Variants in PPP2R2C observed in about 807,000 individuals in gnomAD.
The protein encoded by PPP2R2C is protein phosphatase 2 regulatory subunit Bgamma, also known as protein phosphatase 2, regulatory subunit B, gamma.
PPP2R2C carries 10 observed loss-of-function variants against 45.3 expected under a neutral mutation model. The ratio of observed to expected loss-of-function variants is 0.22; its 90% CI spans 0.14 to 0.37. PPP2R2C has a LOEUF of 0.37. Ranked by LOEUF, PPP2R2C falls within the 10% of genes least tolerant of loss-of-function variation. The pLI is 1.00. For missense variants in PPP2R2C, 308 were observed against 619.7 expected (o/e 0.50, Z 5.34); for synonymous variants, 257 against 245.4 (o/e 1.05, Z -0.44).
At chr4:6,352,762 C>T (rs1177278342) in intron 5 of PPP2R2C, among the ~76,000 whole-genome samples, 1 of 152,188 alleles carries the variant, frequency 6.6e-6, no homozygotes, top group African/African-American at 2.4e-5. Flanking sequence ...TAATGGCCCC[C>T]ACAAATACAT....
intron 1 of PPP2R2C, among the ~76,000 whole-genome samples, chr4:6,399,982 G>T (rs1560516502): frequency 6.6e-6 from 1 of 152,256 alleles, no homozygotes; most frequent in Non-Finnish European, 1.5e-5. Flanking sequence ...GTTGGGTTCA[G>T]TTAGAGCTTT....
intron 2 of PPP2R2C, among the ~76,000 whole-genome samples, chr4:6,518,285 G>C (rs1723889650): frequency 6.6e-6 from 1 of 151,854 alleles, no homozygotes; most frequent in Non-Finnish European, 1.5e-5. Context: ...GTAAACACAA[G>C]AAAATAATAA....
chr4:6,532,264 G>A (rs746416850), intron 2 of PPP2R2C, among the ~76,000 whole-genome samples: 3 of 152,254 alleles, frequency 2.0e-5, no homozygotes, highest in Non-Finnish European at 4.4e-5. Context: ...AGAAGGGGCC[G>A]TGAAGGCTCA....
intron 5 of PPP2R2C, among the ~76,000 whole-genome samples, chr4:6,366,216 G>A (rs1577112638): frequency 6.6e-6 from 1 of 152,198 alleles, no homozygotes; most frequent in African/African-American, 2.4e-5. Flanking sequence ...CTTATAAAAG[G>A]GAATTTTCTG....
intron 1 of PPP2R2C, among the ~76,000 whole-genome samples, chr4:6,405,628 T>C (rs569907945): frequency 6.6e-6 from 1 of 152,118 alleles, no homozygotes; most frequent in Admixed American, 6.6e-5. Context: ...GGGGAGTGAT[T>C]AGATGGAGGG....
intron 2 of PPP2R2C, among the ~76,000 whole-genome samples, chr4:6,485,999 C>T (rs13117055): frequency 0.58 from 88,054 of 151,624 alleles, 26,117 homozygotes; most frequent in Non-Finnish European, 0.64. Context: ...TTAGGAACTT[C>T]CTTCTATTCC....
At chr4:6,562,175 AAT>A (rs1299527710) in intron 1 of PPP2R2C, among the ~76,000 whole-genome samples, 1 of 152,118 alleles carries the variant, frequency 6.6e-6, no homozygotes, top group East Asian at 1.9e-4. Context: ...TGCGGGGGAC[AAT>A]GAGACTGAGG....
intron 1 of PPP2R2C, among the ~76,000 whole-genome samples, chr4:6,557,460 G>C (rs1725440368): frequency 6.6e-6 from 1 of 152,218 alleles, no homozygotes; most frequent in Non-Finnish European, 1.5e-5. Context: ...TCCCTGGGTG[G>C]GACGTATTTA....
At chr4:6,483,007 C>A (rs950060957) in intron 2 of PPP2R2C, among the ~76,000 whole-genome samples, 1 of 151,874 alleles carries the variant, frequency 6.6e-6, no homozygotes, top group South Asian at 2.1e-4. Flanking sequence ...TGACTTTAGC[C>A]TTTAATCTAT....
At chr4:6,518,924 A>T (rs1723919275) in intron 2 of PPP2R2C, among the ~76,000 whole-genome samples, 1 of 15,370 alleles carries the variant, frequency 6.5e-5, no homozygotes, top group African/African-American at 1.3e-4. Context: ...CTCTGTCTTA[A>T]AAAAAAAAAA....
At chr4:6,535,062 A>G (rs376390538) in intron 2 of PPP2R2C, among the ~76,000 whole-genome samples, 1 of 152,152 alleles carries the variant, frequency 6.6e-6, no homozygotes, top group Non-Finnish European at 1.5e-5. Context: ...CAGGGGCGGC[A>G]ATGGGGGCTG....
intron 1 of PPP2R2C, chr4:6,413,895 C>T: frequency 6.5e-7 from 1 of 1,536,130 alleles, no homozygotes; most frequent in Non-Finnish European, 8.7e-7. Flanking sequence ...CCCACAGCCC[C>T]TGCTCACCCG....
chr4:6,337,274 T>A (rs1203654840), intron 6 of PPP2R2C, among the ~76,000 whole-genome samples: 3 of 151,070 alleles, frequency 2.0e-5, no homozygotes, highest in African/African-American at 7.3e-5. Flanking sequence ...AGGGGTGATG[T>A]TGTGCTGCCT....
At chr4:6,397,462 G>A (rs893704007) in intron 1 of PPP2R2C, among the ~76,000 whole-genome samples, 2 of 133,702 alleles carry the variant, frequency 1.5e-5, no homozygotes, top group Non-Finnish European at 3.4e-5. Flanking sequence ...AGGGAACAGA[G>A]GCGGCCCTGG....
intron 5 of PPP2R2C, among the ~76,000 whole-genome samples, chr4:6,371,017 C>T (rs537704739): frequency 9.2e-5 from 14 of 152,338 alleles, no homozygotes; most frequent in Middle Eastern, 3.4e-3. Flanking sequence ...GAGAGAGATG[C>T]TGATGCTTCC....
At chr4:6,531,887 AG>A (rs1414089863) in intron 2 of PPP2R2C, among the ~76,000 whole-genome samples, 1 of 152,196 alleles carries the variant, frequency 6.6e-6, no homozygotes, top group African/African-American at 2.4e-5. Flanking sequence ...AGCAGGTGGC[AG>A]CTGGCAGACA....
At chr4:6,470,249 C>G (rs1232656189) in intron 1 of PPP2R2C, among the ~76,000 whole-genome samples, 1 of 152,092 alleles carries the variant, frequency 6.6e-6, no homozygotes, top group Admixed American at 6.6e-5. Context: ...GTCCAGTCCC[C>G]AGGGATAAAA....
chr4:6,524,060 C>T (rs1319214771), intron 2 of PPP2R2C, among the ~76,000 whole-genome samples: 1 of 151,770 alleles, frequency 6.6e-6, no homozygotes, highest in Non-Finnish European at 1.5e-5. Context: ...ATTACAGGTG[C>T]CTGCCACCAG....
At chr4:6,517,704 T>C (rs796573680) in intron 2 of PPP2R2C, among the ~76,000 whole-genome samples, 22 of 152,318 alleles carry the variant, frequency 1.4e-4, no homozygotes, top group African/African-American at 4.1e-4. Flanking sequence ...CTTCCTTTCA[T>C]TTATCATTTC....
Sources: gnomAD v4.1 joint callset for allele counts (sites outside exome capture counted in the v4.1 genomes callset) on GRCh38, gnomAD v4.1.1 for gene constraint, MANE v1.5 for transcripts, NCBI Gene and HGNC (gene_info 2026-07-23, HGNC 2026-07-21) for gene names.